The following LAMB2 variants were observed in gnomAD, a reference collection of about 807,000 sequenced individuals.
The protein encoded by LAMB2 is laminin subunit beta-2.
Under a neutral mutation model 202.7 loss-of-function variants are expected in LAMB2, and 119 were observed. The observed-to-expected ratio is 0.59, with a 90% CI of 0.51 to 0.68. LAMB2 has a LOEUF of 0.68. LAMB2 is among the 30% of genes least tolerant of loss of function. LAMB2 has a pLI of 0.00. For synonymous variants in LAMB2, 818 were observed against 902.2 expected, an observed-to-expected ratio of 0.91 and a Z score of 1.67; for missense variants, 2,124 against 2,410.6, an observed-to-expected ratio of 0.88 and a Z score of 2.49.
Position 49,121,704 on chromosome 3 carries a change from G to A in LAMB2, c.5080C>T (p.Arg1694Cys), listed in dbSNP as rs779790990. Residue 1694 changes from arginine to cysteine, a missense_variant, in exon 30 of 32, where the codon CGT (arginine) becomes TGT (cysteine). Arg to Cys is a radical substitution (Grantham distance 180, BLOSUM62 -3). This residue lies in a region of LAMB2 where 1,702 missense variants were observed against 1,896.3 expected (regional missense o/e 0.90). Transcript: ENST00000305544. The part of the protein sequence containing the change: ...AEETAGSAQG[R>C]AQEAEQLLRG... Reference sequence around the variant, plus strand: ...CCCACCTGCTCAGCCTCCTGGGCACGACCCTGGGCACTGCCTGCCGTTTCT... The same window carrying A: ...CCCACCTGCTCAGCCTCCTGGGCACAACCCTGGGCACTGCCTGCCGTTTCT... 3 of 1,613,946 alleles carry A rather than the reference G, an allele frequency of 1.9e-6. No homozygotes were observed. Among genetic ancestry groups the A allele is most frequent in the African/African-American group, 1.3e-5 (1 of 75,020 alleles).
In LAMB2 at chr3:49,129,714, A is replaced by G; in HGVS notation, c.1408T>C (p.Cys470Arg). ...SISDRLGCRR[C>R]QCNARGTVPG... ...ACTGTGCCCCGTGCATTACATTGAC[A>G]TCCTGCAGGGAAGGAGAACCATCAG... The change falls in exon 11 of 32, where the codon TGT (cysteine) becomes CGT (arginine). Residue 470 changes from cysteine to arginine, a missense_variant and splice_region_variant. By Grantham distance (180) the Cys-to-Arg change is radical. This residue lies in a region of LAMB2 where 1,702 missense variants were observed against 1,896.3 expected (regional missense o/e 0.90). Transcript: ENST00000305544. This position sits in a 1 kb window ranked among gnomAD's most constrained non-coding sequence, Gnocchi z 6.1. 1 of 1,613,526 alleles carries G rather than the reference A, an allele frequency of 6.2e-7. No homozygotes were observed. The highest frequency in any genetic ancestry group is 1.7e-5 in the Admixed American group (1 of 60,018).
Position 49,124,235 on chromosome 3 carries a change from C to G in LAMB2, c.3379G>C (p.Glu1127Gln). 6.2e-7 allele frequency: 1 copy of G among 1,613,972 alleles called. No homozygotes were observed. Among genetic ancestry groups the G allele is most frequent in the Non-Finnish European group, 8.5e-7 (1 of 1,179,946 alleles). The stretch of plus-strand genomic sequence containing the variant: ...TCTCCCCAGTGGAGCTCTTGGCACT[C>G]AGAACAAGTCCGCCCTCCAAAGCCG... ...RAGFGGRTCS[E>Q]CQELHWGDPG... Residue 1127 changes from glutamate to glutamine, a missense_variant, in exon 23 of 32, where the codon GAG becomes CAG. Glu to Gln is a conservative substitution (Grantham distance 29). This residue lies in a region of LAMB2 where 1,702 missense variants were observed against 1,896.3 expected (regional missense o/e 0.90). Transcript: ENST00000305544.
rs990032076 is a variant in LAMB2 at position 49,123,480 on chromosome 3, G to A, written c.3949C>T (p.His1317Tyr). 1.2e-6 allele frequency: 2 copies of A among 1,614,182 alleles called. No homozygotes were observed. The highest frequency in any genetic ancestry group is 2.2e-5 in the East Asian group (1 of 44,894). ...TTTGAATGTTTGAGCAAGTCAAGAT[G>A]CTGGTCGAGCTGCCGCAGTGTGAGA... ...LNLTLRQLDQ[H>Y]LDLLKHSNFL... is the part of the protein sequence containing the mutation. The change falls in exon 25 of 32, where the codon CAT becomes TAT. Residue 1317 changes from histidine to tyrosine, a missense_variant. Coordinates refer to ENST00000305544, the MANE Select transcript of LAMB2 (RefSeq NM_002292.4).
chr3:49,122,700 T>C lies in LAMB2; in HGVS notation c.4573+4A>G. ...ACATGGCCTGGGACACGTGGGAGGCTCACGGTTGAGGAAGTCCTTCACACT... is the reference window on the plus strand; with the variant it reads ...ACATGGCCTGGGACACGTGGGAGGCCCACGGTTGAGGAAGTCCTTCACACT... On this transcript the variant is annotated splice_donor_region_variant and intron_variant, in intron 27 of 31. Coordinates refer to ENST00000305544, the MANE Select transcript of LAMB2 (RefSeq NM_002292.4). 1 of 1,612,554 alleles carries C rather than the reference T, an allele frequency of 6.2e-7. No homozygotes were observed. Among genetic ancestry groups the C allele is most frequent in the Non-Finnish European group, 8.5e-7 (1 of 1,178,602 alleles).
Position 49,129,493 on chromosome 3 carries a change from G to T in LAMB2, c.1518+111C>A, listed in dbSNP as rs1575535692. 1 of 1,108,474 alleles carries T rather than the reference G, an allele frequency of 9.0e-7. No individual in the cohort carries two copies. The highest frequency in any genetic ancestry group is 1.9e-5 in the Admixed American group (1 of 51,374). The allele number at this position is 1,108,474 out of a possible 1,614,324, so 68.7% of individuals were successfully genotyped here. ...TCCCAGACCTGAGGCTTCTCAGCCA[G>T]GACTGGATCCTAAGCTCTCAGCACC... On this transcript the variant is annotated intron_variant, in intron 11 of 31. Coordinates refer to ENST00000305544, the MANE Select transcript of LAMB2 (RefSeq NM_002292.4). This position sits in a 1 kb window ranked among gnomAD's most constrained non-coding sequence, Gnocchi z 6.1.
Position 49,124,061 on chromosome 3 carries a change from C to G in LAMB2, c.3464G>C (p.Cys1155Ser). The G allele has an allele frequency of 6.2e-7, 1 of 1,613,952 alleles. No individual in the cohort carries two copies. The highest frequency in any genetic ancestry group is 8.5e-7 in the Non-Finnish European group (1 of 1,180,040). ...CDSRGIDTPQ[C>S]HRFTGHCSCR... Reference sequence around the variant, plus strand: ...GCTGCAGTGACCTGTGAAGCGGTGACACTGAGGTGTATCTATTCCACGAGA... The same window carrying G: ...GCTGCAGTGACCTGTGAAGCGGTGAGACTGAGGTGTATCTATTCCACGAGA... Residue 1155 changes from cysteine (C) to serine (S), a missense_variant, in exon 24 of 32, where the codon TGT (cysteine) becomes TCT (serine). Transcript: ENST00000305544.
In LAMB2 at chr3:49,121,951, A is replaced by G. The variant is rs1326060531; in HGVS notation, c.4916T>C (p.Leu1639Pro). 1.2e-6 allele frequency: 2 copies of G among 1,613,928 alleles called. No individual in the cohort carries two copies. The highest frequency in any genetic ancestry group is 1.3e-5 in the African/African-American group (1 of 74,924). Residue 1639 changes from leucine to proline, a missense_variant, in exon 29 of 32, where the codon CTG becomes CCG. This residue lies in a region of LAMB2 where 1,702 missense variants were observed against 1,896.3 expected (regional missense o/e 0.90). Transcript: ENST00000305544. Reference sequence around the variant, plus strand: ...GTCCTAGGAAGACCTCACCTGGTACAGGGTCTGCTCTGTGTCCCGTGTGTC... The same window carrying G: ...GTCCTAGGAAGACCTCACCTGGTACGGGGTCTGCTCTGTGTCCCGTGTGTC... ...VADTRDTEQT[L>P]YQVQERMAGA...
rs1560077060 is a variant in LAMB2 at position 49,131,730 on chromosome 3, AG to A, written c.460-8del. The A allele has an allele frequency of 1.9e-6, 3 of 1,612,788 alleles. No homozygotes were observed. Among genetic ancestry groups the A allele is most frequent in the South Asian group, 2.2e-5 (2 of 91,082 alleles). ...TGGCAGCAGGGCGAAATGTCTGGGT[AG>A]GGGGGCATAGCTGATCAGCAGGCAC... is the stretch of plus-strand genomic sequence containing the variant. On this transcript the variant is annotated splice_region_variant and splice_polypyrimidine_tract_variant and intron_variant, in intron 4 of 31. Transcript: ENST00000305544. The surrounding 1 kb of genome is among the most constrained non-coding windows in gnomAD (Gnocchi z 5.0).
Position 49,123,505 on chromosome 3 carries a change from A to G in LAMB2, c.3924T>C (p.Asn1308=). 6.2e-7 allele frequency: 1 copy of G among 1,614,194 alleles called. No individual in the cohort carries two copies. Among genetic ancestry groups the G allele is most frequent in the Non-Finnish European group, 8.5e-7 (1 of 1,180,044 alleles). Residue 1308 remains asparagine, a synonymous_variant, in exon 25 of 32, where the codon AAT becomes AAC. Transcript: ENST00000305544. ...SGLERDRLAL[N]LTLRQLDQHL... ...GCTGGTCGAGCTGCCGCAGTGTGAG[A>G]TTAAGTGCAAGCCTATCTCGCTCCA...
At chr3:49,127,131 A>G (rs896152536) in intron 15 of LAMB2, among the ~76,000 whole-genome samples, 1 of 152,212 alleles carries the variant, frequency 6.6e-6, no homozygotes, top group East Asian at 1.9e-4. Flanking sequence ...AACCACAAGC[A>G]CACACCACCA....
At position 49,132,902 on chromosome 3, in the gene LAMB2, C is replaced by G; in HGVS notation, c.-35G>C. 6 of 1,594,748 alleles carry G rather than the reference C, an allele frequency of 3.8e-6. No homozygotes were observed. Among genetic ancestry groups the G allele is most frequent in the Non-Finnish European group, 5.2e-6 (6 of 1,162,658 alleles). ...GGGAACAGGGATAAGGGGAGGTGAACGGTCTCGGGCCCGAGCCCTCCTCCT... is the reference window on the plus strand; with the variant it reads ...GGGAACAGGGATAAGGGGAGGTGAAGGGTCTCGGGCCCGAGCCCTCCTCCT... On this transcript the variant is annotated 5_prime_UTR_variant, in exon 1 of 32. Coordinates refer to ENST00000305544, the MANE Select transcript of LAMB2 (RefSeq NM_002292.4). This position sits in a 1 kb window ranked among gnomAD's most constrained non-coding sequence, Gnocchi z 4.6.
chr3:49,128,342 T>G, intron 15 of LAMB2, 116 bp downstream of exon 15: 1 of 1,313,028 alleles, frequency 7.6e-7, no homozygotes, highest in Non-Finnish European at 1.0e-6. Context: ...ATTCTGGAGG[T>G]ATTTGAAAGA....
Position 49,126,470 on chromosome 3 carries a change from G to A in LAMB2, c.2046C>T (p.Cys682=). The change falls in exon 16 of 32, where the codon TGC becomes TGT. Residue 682 remains cysteine, a synonymous_variant. Coordinates refer to ENST00000305544, the MANE Select transcript of LAMB2 (RefSeq NM_002292.4). ...ARYLIFPNPV[C]LEPGISYKLH... ...GCTTGTAGGAGATACCAGGCTCAAG[G>A]CAGACAGGATTAGGAAATATCAAGT... 1.2e-6 allele frequency: 2 copies of A among 1,614,148 alleles called. No homozygotes were observed. Among genetic ancestry groups the A allele is most frequent in the Non-Finnish European group, 1.7e-6 (2 of 1,180,022 alleles).
Position 49,132,607 on chromosome 3 carries a change from C to T in LAMB2, c.133G>A (p.Gly45Arg). 6.2e-7 allele frequency: 1 copy of T among 1,613,846 alleles called. No homozygotes were observed. The highest frequency in any genetic ancestry group is 8.5e-7 in the Non-Finnish European group (1 of 1,180,016). The change falls in exon 2 of 32, where the codon GGA becomes AGA. Residue 45 changes from glycine to arginine, a missense_variant. Gly to Arg is a moderately radical substitution (Grantham distance 125). Transcript: ENST00000305544. The surrounding 1 kb of genome is among the most constrained non-coding windows in gnomAD (Gnocchi z 4.6). ...TCGCCCGTGGCGGGGTAGCAGCTTC[C>T]CCTGGAACAGCCAGGCACATCCGGG... is the stretch of plus-strand genomic sequence containing the variant. ...PAPDVPGCSRGSCYPATGDLL... is the reference protein window; with the variant it reads ...PAPDVPGCSRRSCYPATGDLL...
chr3:49,131,726 G>A lies in LAMB2; in HGVS notation c.460-3C>T. 1 of 1,612,954 alleles carries A rather than the reference G, an allele frequency of 6.2e-7. No individual in the cohort carries two copies. The highest frequency in any genetic ancestry group is 8.5e-7 in the Non-Finnish European group (1 of 1,180,028). ...AGCATGGCAGCAGGGCGAAATGTCT[G>A]GGTAGGGGGGCATAGCTGATCAGCA... On this transcript the variant is annotated splice_region_variant and splice_polypyrimidine_tract_variant and intron_variant, in intron 4 of 31. Transcript: ENST00000305544. This position sits in a 1 kb window ranked among gnomAD's most constrained non-coding sequence, Gnocchi z 5.0.
rs759390686 is a variant in LAMB2, at chr3:49,123,058, AG to A, written c.4225-7del. On this transcript the variant is annotated splice_polypyrimidine_tract_variant and splice_region_variant and intron_variant, in intron 26 of 31. Coordinates refer to ENST00000305544, the MANE Select transcript of LAMB2 (RefSeq NM_002292.4). ...TCCCCTGGTGCCCCACACACCTGCC[AG>A]GCACAGAACAAGTCAGGGCCCTGTG... 5 of 1,606,902 alleles carry A rather than the reference AG, an allele frequency of 3.1e-6. No individual in the cohort carries two copies. In the Admixed American group the frequency reaches 6.7e-5, roughly 21 times the overall value.
In LAMB2 at chr3:49,123,986, A is replaced by G. The variant is rs1490008064; in HGVS notation, c.3539T>C (p.Phe1180Ser). 2.5e-6 allele frequency: 4 copies of G among 1,613,388 alleles called. No homozygotes were observed. The highest frequency in any genetic ancestry group is 3.4e-6 in the Non-Finnish European group (4 of 1,180,032). Reference protein sequence around the residue: ...GVRCDQCARGFSGIFPACHPC... With the variant: ...GVRCDQCARGSSGIFPACHPC... Reference sequence around the variant, plus strand: ...ATGGCAGGCAGGAAAGATTCCTGAGAAGCCACGGGCACACTGGTCACAGCG... The same window carrying G: ...ATGGCAGGCAGGAAAGATTCCTGAGGAGCCACGGGCACACTGGTCACAGCG... The change falls in exon 24 of 32, where the codon TTC becomes TCC. Residue 1180 changes from phenylalanine to serine, a missense_variant. Physicochemically the swap from Phe to Ser is radical, Grantham distance 155. Around this residue, in one of 3 missense-constraint regions of LAMB2, gnomAD observed 1,702 missense variants for 1,896.3 expected, o/e 0.90. Transcript: ENST00000305544.
At position 49,122,329 on chromosome 3, in the gene LAMB2, G is replaced by C. The variant is rs780491682; in HGVS notation, c.4615C>G (p.Arg1539Gly). ...DPDSIEMVAT[R>G]VLELSIPASA... ...GCTGGGATGGAGAGCTCTAGCACCC[G>C]TGTGGCCACCATTTCAATGCTATCA... Residue 1539 changes from arginine (R) to glycine (G), a missense_variant, in exon 28 of 32, where the codon CGG becomes GGG. Arg to Gly is a moderately radical substitution (Grantham distance 125). Transcript: ENST00000305544. The C allele has an allele frequency of 1.2e-6, 2 of 1,613,394 alleles. No individual in the cohort carries two copies. Among genetic ancestry groups the C allele is most frequent in the East Asian group, 2.2e-5 (1 of 44,888 alleles).
chr3:49,124,446 G>A lies in LAMB2; in HGVS notation c.3276C>T (p.Cys1092=). 1 of 1,613,694 alleles carries A rather than the reference G, an allele frequency of 6.2e-7. No individual in the cohort carries two copies. Among genetic ancestry groups the A allele is most frequent in the Non-Finnish European group, 8.5e-7 (1 of 1,180,026 alleles). ...NFWNLTSGHG[C]QPCACHPSRA... ...GGCTTGGGTGGCAGGCACAAGGCTG[G>A]CAACCATGGCCACTGGTGAGGTTCC... The change falls in exon 22 of 32, where the codon TGC becomes TGT. Residue 1092 remains cysteine (C), a synonymous_variant. Coordinates refer to ENST00000305544, the MANE Select transcript of LAMB2 (RefSeq NM_002292.4).
Sources: gnomAD v4.1 joint callset for allele counts (sites outside exome capture counted in the v4.1 genomes callset) on GRCh38, gnomAD v4.1.1 for gene constraint, gnomAD v4.1.1 regional missense constraint, Gnocchi (gnomAD v3.1) non-coding constraint, MANE v1.5 for transcripts, NCBI Gene and HGNC (gene_info 2026-07-23, HGNC 2026-07-21) for gene names.